The following KIF18A variants were observed in gnomAD, a reference collection of about 807,000 sequenced individuals.
KIF18A encodes the protein kinesin-like protein KIF18A.
Under a neutral mutation model 103.3 loss-of-function variants are expected in KIF18A, and 67 were observed. The ratio of observed to expected loss-of-function variants is 0.65; its 90% CI spans 0.53 to 0.79. The LOEUF is 0.79. KIF18A is among the 30% of genes least tolerant of loss of function. The probability of loss-of-function intolerance (pLI) is 0.00; values close to 1 mark genes in which losing one functional copy is unlikely to be tolerated. For missense variants in KIF18A, 1,032 were observed against 1,062.5 expected, an observed-to-expected ratio of 0.97 and a Z score of 0.40; for synonymous variants, 367 against 355.5, an observed-to-expected ratio of 1.03 and a Z score of -0.36.
chr11:28,025,729 G>C (rs1181928813), intron 15 of KIF18A, among the ~76,000 whole-genome samples: 1 of 151,892 alleles, frequency 6.6e-6, no homozygotes, highest in Non-Finnish European at 1.5e-5. Context: ...AAACTGATGA[G>C]CGCAAGTTCA....
chr11:28,079,372 A>C (rs1851133827), intron 9 of KIF18A, among the ~76,000 whole-genome samples: 1 of 152,084 alleles, frequency 6.6e-6, no homozygotes, highest in Non-Finnish European at 1.5e-5. Context: ...TCAGAGTTAA[A>C]AGTTTTCTTT....
chr11:28,090,951 GAAT>G (rs947551272), intron 4 of KIF18A, among the ~76,000 whole-genome samples: 2 of 151,936 alleles, frequency 1.3e-5, no homozygotes, highest in Non-Finnish European at 2.9e-5. Flanking sequence ...CTATTGAGTA[GAAT>G]AATATGACAT....
At chr11:28,023,925 G>A (rs1850278939) in intron 15 of KIF18A, 75 bp from the exon 16 acceptor site, 7 of 615,194 alleles carry the variant, frequency 1.1e-5, no homozygotes, top group Admixed American at 3.0e-5. Flanking sequence ...TTGTACATGC[G>A]ACAATGATTA....
chr11:28,021,347 C>G, intron 16 of KIF18A, 65 bp from the exon 17 acceptor site: 2 of 1,172,732 alleles, frequency 1.7e-6, no homozygotes, highest in Non-Finnish European at 2.2e-6. Context: ...TTTCATCGTT[C>G]AACTTATAAA....
At chr11:28,023,677 T>A (rs1396937432) in intron 16 of KIF18A, 64 bp downstream of exon 16, 7 of 791,070 alleles carry the variant, frequency 8.8e-6, no homozygotes, top group Non-Finnish European at 1.4e-5. Flanking sequence ...ATAAAAAACG[T>A]AAAGTACTAT....
chr11:28,059,199 T>C (rs759188824), intron 12 of KIF18A, 38 bp from the exon 13 acceptor site: 1 of 1,386,326 alleles, frequency 7.2e-7, no homozygotes, highest in Admixed American at 1.8e-5. Context: ...GAGATAAATA[T>C]GACATTTTAA....
chr11:28,046,156 A>C (rs1221054564), intron 13 of KIF18A, among the ~76,000 whole-genome samples: 1 of 152,044 alleles, frequency 6.6e-6, no homozygotes, highest in African/African-American at 2.4e-5. Context: ...GGGATCTAGA[A>C]CTAGAAGTAC....
chr11:28,055,076 G>C (rs144866302), intron 13 of KIF18A, among the ~76,000 whole-genome samples: 1 of 152,132 alleles, frequency 6.6e-6, no homozygotes, highest in African/African-American at 2.4e-5. Flanking sequence ...AGGTATGAGA[G>C]AATCTGAAAA....
intron 15 of KIF18A, among the ~76,000 whole-genome samples, chr11:28,029,431 C>G (rs1009494427): frequency 2.0e-5 from 3 of 152,150 alleles, no homozygotes; most frequent in Admixed American, 6.5e-5. Context: ...ACAAAAACCA[C>G]ATGATTATCT....
chr11:28,097,143 G>GT (rs1347455669), intron 2 of KIF18A, among the ~76,000 whole-genome samples: 6 of 152,210 alleles, frequency 3.9e-5, no homozygotes, highest in African/African-American at 1.4e-4. Flanking sequence ...CCCATAGGTA[G>GT]TTTTTTGATC....
chr11:28,030,526 T>C (rs914991084), intron 15 of KIF18A, among the ~76,000 whole-genome samples: 1 of 152,042 alleles, frequency 6.6e-6, no homozygotes, highest in Non-Finnish European at 1.5e-5. Flanking sequence ...ATACAAAAAT[T>C]AATTCAAGAT....
intron 15 of KIF18A, among the ~76,000 whole-genome samples, chr11:28,029,895 C>T (rs2133487633): frequency 1.0e-5 from 1 of 96,810 alleles, no homozygotes; most frequent in Non-Finnish European, 2.1e-5. Flanking sequence ...AACAGACAAA[C>T]AGAGAGACAA....
At chr11:28,031,602 G>A (rs775278155) in intron 15 of KIF18A, among the ~76,000 whole-genome samples, 27 of 151,354 alleles carry the variant, frequency 1.8e-4, no homozygotes, top group Admixed American at 3.3e-4. Flanking sequence ...AATGGGTGCA[G>A]CACACCAACA....
intron 16 of KIF18A, 21 bp from the exon 17 acceptor site, chr11:28,021,303 TGCATAAATATG>T (rs1850240060): frequency 1.5e-6 from 2 of 1,363,862 alleles, no homozygotes; most frequent in Admixed American, 3.3e-5. Context: ...AATAAAAAGA[TGCATAAATATG>T]GCATAAATAT....
chr11:28,061,026 C>T (rs895874975), intron 12 of KIF18A, among the ~76,000 whole-genome samples: 1 of 152,162 alleles, frequency 6.6e-6, no homozygotes, highest in Admixed American at 6.6e-5. Context: ...TGCTTTGTAG[C>T]CTCTTGCTGA....
At chr11:28,054,927 T>C (rs1254355301) in intron 13 of KIF18A, among the ~76,000 whole-genome samples, 1 of 152,212 alleles carries the variant, frequency 6.6e-6, no homozygotes, top group East Asian at 1.9e-4. Context: ...GCAATTATAC[T>C]GTATGTGAAA....
chr11:28,031,229 A>G (rs1438553551), intron 15 of KIF18A, among the ~76,000 whole-genome samples: 1 of 152,192 alleles, frequency 6.6e-6, no homozygotes, highest in Non-Finnish European at 1.5e-5. Context: ...AGACACATGC[A>G]CACGTATGTT....
chr11:28,104,735 G>C (rs1851485150), intron 1 of KIF18A, among the ~76,000 whole-genome samples: 1 of 152,090 alleles, frequency 6.6e-6, no homozygotes, highest in South Asian at 2.1e-4. Context: ...CCAGCACCTA[G>C]GACACTGCTT....
intron 13 of KIF18A, among the ~76,000 whole-genome samples, chr11:28,043,216 C>G (rs1169062636): frequency 6.6e-6 from 1 of 151,876 alleles, no homozygotes; most frequent in Non-Finnish European, 1.5e-5. Flanking sequence ...CAGGCTTGTT[C>G]CCATCACTGT....
Sources: gnomAD v4.1 joint callset for allele counts (sites outside exome capture counted in the v4.1 genomes callset) on GRCh38, gnomAD v4.1.1 for gene constraint, MANE v1.5 for transcripts, NCBI Gene and HGNC (gene_info 2026-07-23, HGNC 2026-07-21) for gene names.